The following DIAPH1 variants were observed in gnomAD, a reference collection of about 807,000 sequenced individuals.
The protein encoded by DIAPH1 is diaphanous related formin 1.
DIAPH1 carries 46 observed loss-of-function variants against 140.7 expected under a neutral mutation model. The observed-to-expected ratio is 0.33, with a 90% CI of 0.26 to 0.42. The LOEUF is 0.42. DIAPH1 is among the 10% of genes least tolerant of loss of function. The probability of loss-of-function intolerance (pLI) is 1.00; values close to 1 mark genes in which losing one functional copy is unlikely to be tolerated. For missense variants in DIAPH1, 1,310 were observed against 1,558.7 expected (o/e 0.84, Z 2.69); for synonymous variants, 565 against 551.6 (o/e 1.02, Z -0.34).
At position 141,528,553 on chromosome 5, in the gene DIAPH1, C is replaced by T. The variant is rs371366611; in HGVS notation, c.3048G>A (p.Lys1016=). Residue 1016 remains lysine (K), a synonymous_variant, in exon 23 of 28, where the codon AAG becomes AAA. Transcript: ENST00000389054. ...KLRDTKSTDQ[K]MTLLHFLAEL... ...CAGCCAAGAAGTGTAACAACGTCATCTTCTGATCTGTGGACTTGGTGTCTC... is the reference window on the plus strand; with the variant it reads ...CAGCCAAGAAGTGTAACAACGTCATTTTCTGATCTGTGGACTTGGTGTCTC... 16 of 1,614,194 alleles carry T rather than the reference C, an allele frequency of 9.9e-6. No homozygotes were observed. The Middle Eastern group carries it at 6.6e-4, about 67-fold the overall frequency.
At chr5:141,532,362 G>T (rs1406616789) in intron 19 of DIAPH1, among the ~76,000 whole-genome samples, 1 of 152,110 alleles carries the variant, frequency 6.6e-6, no homozygotes, top group Non-Finnish European at 1.5e-5. Context: ...AGAGACAGGG[G>T]TCTTGCTTTG....
At chr5:141,520,849 G>C (rs1255304013) in intron 27 of DIAPH1, among the ~76,000 whole-genome samples, 1 of 152,158 alleles carries the variant, frequency 6.6e-6, no homozygotes, top group Non-Finnish European at 1.5e-5. Flanking sequence ...ACAAAAGTGG[G>C]CTACAGTGCT....
At chr5:141,525,610 T>A (rs1006197881) in intron 26 of DIAPH1, among the ~76,000 whole-genome samples, 1 of 152,152 alleles carries the variant, frequency 6.6e-6, no homozygotes, top group African/African-American at 2.4e-5. Flanking sequence ...ACTAGGGACA[T>A]AGTACTTTGT....
chr5:141,599,630 T>C (rs573454812), intron 1 of DIAPH1, among the ~76,000 whole-genome samples: 46 of 152,292 alleles, frequency 3.0e-4, no homozygotes, highest in Non-Finnish European at 5.7e-4. Context: ...TTTTCTTATA[T>C]GTATAATCAC....
chr5:141,597,788 G>T (rs1158187096), intron 1 of DIAPH1, among the ~76,000 whole-genome samples: 1 of 152,170 alleles, frequency 6.6e-6, no homozygotes, highest in Admixed American at 6.5e-5. Context: ...TGGACCATAT[G>T]TTAACAGTTT....
intron 1 of DIAPH1, among the ~76,000 whole-genome samples, chr5:141,602,351 A>C (rs1273682461): frequency 6.6e-6 from 1 of 152,124 alleles, no homozygotes; most frequent in African/African-American, 2.4e-5. Flanking sequence ...GAGTAGCTGG[A>C]ACTACAGGCG....
intron 1 of DIAPH1, among the ~76,000 whole-genome samples, chr5:141,611,874 T>C (rs1282509748): frequency 1.3e-5 from 2 of 152,008 alleles, no homozygotes; most frequent in African/African-American, 4.8e-5. Context: ...CAAGACCAGC[T>C]TGGCCAACAT....
rs2099887562 is a variant in DIAPH1, at chr5:141,527,569, A to G, written c.3273+4T>C. The stretch of plus-strand genomic sequence containing the variant: ...AACAACTCCCTCCTTTCAAGAGAGG[A>G]TATGGTCATTTTTTCAACAAACTTG... On this transcript the variant is annotated splice_donor_region_variant and intron_variant, in intron 24 of 27. Coordinates refer to ENST00000389054, the MANE Select transcript of DIAPH1 (RefSeq NM_005219.5). The G allele has an allele frequency of 4.3e-6, 7 of 1,613,638 alleles. No homozygotes were observed. The highest frequency in any genetic ancestry group is 2.2e-5 in the East Asian group (1 of 44,870).
intron 7 of DIAPH1, among the ~76,000 whole-genome samples, chr5:141,581,124 C>G (rs1238528671): frequency 2.6e-5 from 4 of 152,084 alleles, no homozygotes; most frequent in Non-Finnish European, 5.9e-5. Context: ...GACCAGTGTC[C>G]TTATAAAAAG....
In DIAPH1 at chr5:141,573,680, G is replaced by C; in HGVS notation, c.2170C>G (p.Pro724Ala). 6.2e-7 allele frequency: 1 copy of C among 1,601,956 alleles called. No homozygotes were observed. The highest frequency in any genetic ancestry group is 1.1e-5 in the South Asian group (1 of 90,714). ...AATGGAGGAGGTGGAGGGATTCCAG[G>C]ACCACCAGGAAGAGGGGGAGGAGGA... ...PPPPPPLPGG[P>A]GIPPPPPFPG... Residue 724 changes from proline (P) to alanine (A), a missense_variant, in exon 16 of 28, where the codon CCT becomes GCT. Physicochemically the swap from Pro to Ala is conservative, Grantham distance 27 (BLOSUM62 -1). Coordinates refer to ENST00000389054, the MANE Select transcript of DIAPH1 (RefSeq NM_005219.5).
chr5:141,601,238 AAAAATAAAAAT>A (rs1003672824), intron 1 of DIAPH1, among the ~76,000 whole-genome samples: 9 of 151,496 alleles, frequency 5.9e-5, no homozygotes, highest in East Asian at 3.9e-4. Flanking sequence ...AATAAAAATA[AAAAATAAAAAT>A]AAAATAAAAA....
intron 1 of DIAPH1, among the ~76,000 whole-genome samples, chr5:141,604,354 A>G (rs1370470643): frequency 1.3e-5 from 2 of 152,210 alleles, no homozygotes; most frequent in Non-Finnish European, 2.9e-5. Flanking sequence ...AAATATTGAT[A>G]CTTGCTCTTC....
intron 1 of DIAPH1, among the ~76,000 whole-genome samples, chr5:141,592,772 C>A (rs557149461): frequency 2.6e-5 from 4 of 152,228 alleles, no homozygotes; most frequent in Middle Eastern, 3.4e-3. Flanking sequence ...AACATTAGCA[C>A]TTATACCTTT....
chr5:141,604,425 T>A (rs2099900622), intron 1 of DIAPH1, among the ~76,000 whole-genome samples: 2 of 152,056 alleles, frequency 1.3e-5, no homozygotes, highest in African/African-American at 4.8e-5. Context: ...ATCACTCCTT[T>A]AAAAAAAGGG....
At chr5:141,562,504 T>C (rs2099893716) in intron 18 of DIAPH1, among the ~76,000 whole-genome samples, 5 of 151,712 alleles carry the variant, frequency 3.3e-5, no homozygotes, top group South Asian at 4.2e-4. Context: ...TAAAAATGGT[T>C]ACCTCTAGAA....
At chr5:141,529,538 A>G (rs1291735596) in intron 20 of DIAPH1, 65 bp downstream of exon 20, 3 of 1,281,176 alleles carry the variant, frequency 2.3e-6, no homozygotes, top group African/African-American at 1.5e-5. Context: ...TCATCTACAC[A>G]GAGATGAGGC....
At chr5:141,576,939 C>A in intron 12 of DIAPH1, 68 bp from the exon 13 acceptor site, 3 of 1,004,456 alleles carry the variant, frequency 3.0e-6, no homozygotes, top group South Asian at 2.6e-5. Flanking sequence ...TATTCAGGAC[C>A]AAGAAAACGT....
chr5:141,593,896 T>C (rs1295043459), intron 1 of DIAPH1, among the ~76,000 whole-genome samples: 2 of 152,178 alleles, frequency 1.3e-5, no homozygotes, highest in African/African-American at 2.4e-5. Context: ...CTCAGCTCAC[T>C]GCAACCTTCT....
At chr5:141,574,919 T>C in intron 15 of DIAPH1, 48 bp downstream of exon 15, 1 of 1,607,540 alleles carries the variant, frequency 6.2e-7, no homozygotes, top group South Asian at 1.1e-5. Context: ...CCAAGCCATG[T>C]GCATCCTGAG....
Sources: gnomAD v4.1 joint callset for allele counts (sites outside exome capture counted in the v4.1 genomes callset) on GRCh38, gnomAD v4.1.1 for gene constraint, MANE v1.5 for transcripts, NCBI Gene and HGNC (gene_info 2026-07-23, HGNC 2026-07-21) for gene names.